TPRG1: variants seen among roughly 807,000 people sequenced by gnomAD.
The protein encoded by TPRG1 is tumor protein p63-regulated gene 1 protein.
Under a neutral mutation model 29.3 loss-of-function variants are expected in TPRG1, and 29 were observed. The observed-to-expected ratio is 0.99, with a 90% CI of 0.74 to 1.35. The LOEUF is 1.35. TPRG1 is among the 40% of genes most tolerant of loss of function. TPRG1 has a pLI of 0.00. For synonymous variants in TPRG1, 130 were observed against 116.8 expected (o/e 1.11, Z -0.73); for missense variants, 327 against 335.0 (o/e 0.98, Z 0.19).
At chr3:189,295,927 A>AAAC (rs1553941846) in intron 4 of TPRG1, among the ~76,000 whole-genome samples, 2 of 149,838 alleles carry the variant, frequency 1.3e-5, no homozygotes, top group African/African-American at 4.9e-5. Flanking sequence ...AAAAAAAAAA[A>AAAC]AAAAACATTT....
rs1712377338 is a variant in TPRG1, at chr3:189,007,870, G to A, written c.-660+3110G>A. On this transcript the variant is annotated intron_variant, in intron 3 of 10. Transcript: ENST00000433971. ...AATGAGATCACATGGACACAGGAAA[G>A]GGAATATCACACTCTGGGGACTGTG... Among the ~76,000 whole-genome samples, 4 of 135,758 alleles carry A rather than the reference G, an allele frequency of 2.9e-5. No homozygotes were observed. The Admixed American group carries it at 3.1e-4, about 10-fold the overall frequency. 89.1% of individuals were successfully genotyped at this position (135,758 alleles called of 152,430 possible).
chr3:189,227,075 G>A (rs781346064), intron 3 of TPRG1, among the ~76,000 whole-genome samples: 2 of 151,930 alleles, frequency 1.3e-5, no homozygotes, highest in Non-Finnish European at 1.5e-5. Context: ...GAGACTAAAG[G>A]CAGGGGGAAG....
chr3:189,179,796 T>G (rs1729971440), intron 1 of TPRG1, among the ~76,000 whole-genome samples: 1 of 152,234 alleles, frequency 6.6e-6, no homozygotes, highest in Non-Finnish European at 1.5e-5. Context: ...GGGAGGTTAA[T>G]GTATGTCACA....
At chr3:189,149,296 T>A (rs1016387167) in intron 4 of TPRG1, among the ~76,000 whole-genome samples, 4 of 152,178 alleles carry the variant, frequency 2.6e-5, no homozygotes, top group Non-Finnish European at 5.9e-5. Context: ...ATGTTAAGTA[T>A]CTACAGCATA....
intron 1 of TPRG1, among the ~76,000 whole-genome samples, chr3:189,203,041 A>T (rs1432025613): frequency 1.3e-5 from 2 of 152,192 alleles, no homozygotes; most frequent in Non-Finnish European, 2.9e-5. Flanking sequence ...GACAACCCTC[A>T]TTTCAGGGGG....
At chr3:189,289,716 A>T (rs936950339) in intron 4 of TPRG1, among the ~76,000 whole-genome samples, 1 of 152,226 alleles carries the variant, frequency 6.6e-6, no homozygotes, top group Non-Finnish European at 1.5e-5. Context: ...TCACCCTTTC[A>T]GTCTTACCAG....
chr3:189,215,121 C>A (rs190413821), intron 2 of TPRG1, among the ~76,000 whole-genome samples, 171 bp from the exon 3 acceptor site: 33 of 152,034 alleles, frequency 2.2e-4, no homozygotes, highest in Middle Eastern at 3.4e-3. Flanking sequence ...GAAAAGCTTA[C>A]CAGAGTTCAA....
At chr3:189,316,182 T>G (rs576665015) in intron 5 of TPRG1, among the ~76,000 whole-genome samples, 8 of 152,310 alleles carry the variant, frequency 5.3e-5, no homozygotes, top group African/African-American at 1.7e-4. Context: ...TGGAAATTGC[T>G]ATGGGTAGAA....
intron 4 of TPRG1, among the ~76,000 whole-genome samples, chr3:189,076,557 G>A (rs1332878125): frequency 1.3e-5 from 2 of 151,206 alleles, no homozygotes; most frequent in African/African-American, 4.9e-5. Flanking sequence ...AAAAATACTT[G>A]TATAAAAACA....
At chr3:189,279,110 A>G (rs1716663359) in intron 4 of TPRG1, among the ~76,000 whole-genome samples, 1 of 152,234 alleles carries the variant, frequency 6.6e-6, no homozygotes, top group South Asian at 2.1e-4. Flanking sequence ...CTGATGTTGT[A>G]GAGTGAAAGC....
intron 3 of TPRG1, among the ~76,000 whole-genome samples, chr3:189,023,055 C>T (rs999391799): frequency 3.3e-5 from 5 of 152,226 alleles, no homozygotes; most frequent in African/African-American, 7.2e-5. Context: ...TTGCACTTCC[C>T]GAGTGAGGCA....
intron 4 of TPRG1, among the ~76,000 whole-genome samples, chr3:189,270,497 A>G (rs1714930743): frequency 6.6e-6 from 1 of 152,252 alleles, no homozygotes; most frequent in African/African-American, 2.4e-5. Flanking sequence ...TCCCAGGCTC[A>G]GTCAGCACTG....
At chr3:189,253,232 TC>T (rs2109009161) in intron 4 of TPRG1, among the ~76,000 whole-genome samples, 2 of 152,242 alleles carry the variant, frequency 1.3e-5, no homozygotes, top group African/African-American at 4.8e-5. Flanking sequence ...TGTGTGATGT[TC>T]CCCTCCCTGT....
intron 2 of TPRG1, among the ~76,000 whole-genome samples, chr3:189,214,454 A>T (rs1386448501): frequency 6.6e-6 from 1 of 151,528 alleles, no homozygotes; most frequent in African/African-American, 2.4e-5. Flanking sequence ...TTGTCATAGA[A>T]TCCTAGGCAA....
chr3:189,321,924 G>A lies in TPRG1; in HGVS notation c.*1104G>A, dbSNP rs1179391102. 1 of 152,022 alleles carries A rather than the reference G, an allele frequency of 6.6e-6. No individual in the cohort carries two copies. The highest frequency in any genetic ancestry group is 1.5e-5 in the Non-Finnish European group (1 of 67,980). The allele number at this position is 152,022 out of a possible 1,614,324, so 9.4% of individuals were successfully genotyped here. ...TGAAGACCATGTTTTCAAAAACACTGTCTTAACACTCTATTGTCATTGCTC... is the reference window on the plus strand; with the variant it reads ...TGAAGACCATGTTTTCAAAAACACTATCTTAACACTCTATTGTCATTGCTC... On this transcript the variant is annotated 3_prime_UTR_variant, in exon 6 of 6. Coordinates refer to ENST00000345063, the MANE Select transcript of TPRG1 (RefSeq NM_198485.4).
chr3:189,265,004 C>A (rs1245536028), intron 4 of TPRG1, among the ~76,000 whole-genome samples: 1 of 152,060 alleles, frequency 6.6e-6, no homozygotes, highest in Non-Finnish European at 1.5e-5. Context: ...CAAAACATGG[C>A]CAGCAAATAG....
chr3:189,032,490 TTCTC>T (rs1443866694), intron 4 of TPRG1, among the ~76,000 whole-genome samples: 2 of 152,282 alleles, frequency 1.3e-5, no homozygotes, highest in African/African-American at 4.8e-5. Flanking sequence ...GATAAATTAT[TTCTC>T]TCGTACATAC....
intron 4 of TPRG1, among the ~76,000 whole-genome samples, chr3:189,076,375 A>G (rs1717170362): frequency 6.6e-6 from 1 of 152,184 alleles, no homozygotes; most frequent in South Asian, 2.1e-4. Flanking sequence ...TTTATCTTCT[A>G]AAACATTAAG....
intron 4 of TPRG1, among the ~76,000 whole-genome samples, chr3:189,251,382 G>T (rs539626379): frequency 6.6e-6 from 1 of 152,284 alleles, no homozygotes; most frequent in Admixed American, 6.5e-5. Context: ...GAAGGGGTGG[G>T]TTGCCCCTCC....
Sources: allele counts gnomAD v4.1 joint callset (sites outside exome capture counted in the v4.1 genomes callset), GRCh38; gene constraint gnomAD v4.1.1; transcripts MANE v1.5; gene names NCBI Gene and HGNC (gene_info 2026-07-23, HGNC 2026-07-21).